Variants in KIAA1217 observed in about 807,000 individuals in gnomAD.
The protein encoded by KIAA1217 is KIAA1217.
In KIAA1217, 88 loss-of-function variants were observed where a neutral mutation model predicts 163.9. The ratio of observed to expected loss-of-function variants is 0.54; its 90% CI spans 0.45 to 0.64. The LOEUF is 0.64. Among genes scored for constraint, KIAA1217 ranks in the 30% least tolerant of loss-of-function variants. The probability of loss-of-function intolerance (pLI) is 0.00; values close to 1 mark genes in which losing one functional copy is unlikely to be tolerated. For synonymous variants in KIAA1217, 903 were observed against 923.1 expected, an observed-to-expected ratio of 0.98 and a Z score of 0.39; for missense variants, 2,372 against 2,475.0, an observed-to-expected ratio of 0.96 and a Z score of 0.88.
chr10:24,532,555 G>A (rs1347129256), intron 15 of KIAA1217, among the ~76,000 whole-genome samples: 2 of 152,198 alleles, frequency 1.3e-5, no homozygotes, highest in Admixed American at 6.5e-5. Flanking sequence ...GTTCCATGTG[G>A]CTGGGGAGGT....
intron 1 of KIAA1217, among the ~76,000 whole-genome samples, chr10:23,865,296 A>C (rs1240832422): frequency 6.6e-6 from 1 of 152,194 alleles, no homozygotes; most frequent in Non-Finnish European, 1.5e-5. Flanking sequence ...ATGGCATCTT[A>C]CTATACCTTT....
chr10:24,260,097 G>A (rs540245307), intron 2 of KIAA1217, among the ~76,000 whole-genome samples: 44 of 152,266 alleles, frequency 2.9e-4, no homozygotes, highest in South Asian at 2.5e-3. Context: ...TTAAGTTTTC[G>A]TTGGGAGGGC....
upstream of KIAA1217, among the ~76,000 whole-genome samples, chr10:24,204,007 T>A (rs199587609): frequency 6.6e-6 from 1 of 152,154 alleles, no homozygotes; most frequent in African/African-American, 2.4e-5. Flanking sequence ...TTAAAATAGA[T>A]AAAAGAAACC....
intron 1 of KIAA1217, among the ~76,000 whole-genome samples, chr10:23,937,608 G>T (rs978767371): frequency 6.6e-6 from 1 of 152,112 alleles, no homozygotes; most frequent in African/African-American, 2.4e-5. Flanking sequence ...ATAAAAGGTG[G>T]CTGAGAAGAG....
chr10:24,419,989 C>T (rs1481726059), intron 3 of KIAA1217, among the ~76,000 whole-genome samples: 1 of 151,780 alleles, frequency 6.6e-6, no homozygotes, highest in African/African-American at 2.4e-5. Flanking sequence ...TATCAATAAC[C>T]CACTGAGAAC....
chr10:23,947,000 T>C (rs1844080841), intron 1 of KIAA1217, among the ~76,000 whole-genome samples: 1 of 152,090 alleles, frequency 6.6e-6, no homozygotes, highest in Non-Finnish European at 1.5e-5. Flanking sequence ...TAAGATCTGA[T>C]GGTTTTAGAA....
chr10:23,808,960 TAATACACTTGGCATCTGCAACAGG>T, intron 1 of KIAA1217, among the ~76,000 whole-genome samples: 1 of 152,100 alleles, frequency 6.6e-6, no homozygotes, highest in Non-Finnish European at 1.5e-5. Context: ...GGATGTTAGA[TAATACACTTGGCATCTGCAACAGG>T]ACATGATGTA....
intron 1 of KIAA1217, among the ~76,000 whole-genome samples, chr10:23,806,739 T>C (rs1003556921): frequency 1.3e-5 from 2 of 152,250 alleles, no homozygotes; most frequent in Non-Finnish European, 2.9e-5. Context: ...CTACTTTTTC[T>C]TTTTGCCGAT....
At chr10:24,346,907 C>T (rs556155618) in intron 2 of KIAA1217, among the ~76,000 whole-genome samples, 1 of 152,280 alleles carries the variant, frequency 6.6e-6, no homozygotes, top group Non-Finnish European at 1.5e-5. Context: ...AATATGCAAA[C>T]ACTACTTTTG....
intron 1 of KIAA1217, among the ~76,000 whole-genome samples, chr10:23,938,676 AAAAAGGATGTGC>A (rs1335212879): frequency 6.6e-6 from 1 of 152,158 alleles, no homozygotes. Context: ...GAGTAAAAAA[AAAAAGGATGTGC>A]CTCGGTTATG....
chr10:23,824,134 G>T (rs1026619514), intron 1 of KIAA1217, among the ~76,000 whole-genome samples: 1 of 151,924 alleles, frequency 6.6e-6, no homozygotes, highest in African/African-American at 2.4e-5. Context: ...TTAGCCCAGC[G>T]TGTTGGTGCA....
intron 1 of KIAA1217, among the ~76,000 whole-genome samples, chr10:23,922,112 T>TGACTACATAATGCAACCTC (rs1842872115): frequency 6.6e-6 from 1 of 151,936 alleles, no homozygotes; most frequent in African/African-American, 2.4e-5. Context: ...TAATCAATCA[T>TGACTACATAATGCAACCTC]GACTACATAA....
chr10:23,759,474 T>C (rs1057472655), intron 1 of KIAA1217, among the ~76,000 whole-genome samples: 8 of 152,230 alleles, frequency 5.3e-5, no homozygotes, highest in African/African-American at 1.9e-4. Flanking sequence ...GTGGGCATCC[T>C]TGCCTTGTTC....
intron 2 of KIAA1217, among the ~76,000 whole-genome samples, chr10:24,141,226 C>G (rs142461921): frequency 3.3e-5 from 1 of 30,120 alleles, no homozygotes; most frequent in African/African-American, 1.4e-4. Flanking sequence ...AAAGAATAAA[C>G]CCCCCCCCCC....
At chr10:24,545,495 T>C in intron 20 of KIAA1217, 2 of 1,283,360 alleles carry the variant, frequency 1.6e-6, no homozygotes, top group Non-Finnish European at 2.0e-6. Flanking sequence ...TAGAAGCACA[T>C]TAACACTCCG....
chr10:23,764,284 T>C (rs1407690484), intron 1 of KIAA1217, among the ~76,000 whole-genome samples: 1 of 152,126 alleles, frequency 6.6e-6, no homozygotes, highest in Non-Finnish European at 1.5e-5. Context: ...GAATGGTGAT[T>C]ATTAAAAAGT....
Position 24,061,716 on chromosome 10 carries a change from T to A in KIAA1217, c.-171+54342T>A, listed in dbSNP as rs1026063322. On this transcript the variant is annotated intron_variant, in intron 2 of 18. Transcript: ENST00000376462. ...CTTTGAATATATCATCCCACTCCCT[T>A]CTGAATTGCAAGTATTCTGCTGAAA... Among the ~76,000 whole-genome samples the A allele has an allele frequency of 8.5e-5, 13 of 152,316 alleles. No homozygotes were observed. In the South Asian group the frequency reaches 2.7e-3, roughly 32 times the overall value.
At chr10:23,962,193 G>A (rs147366989) in intron 1 of KIAA1217, among the ~76,000 whole-genome samples, 1 of 152,312 alleles carries the variant, frequency 6.6e-6, no homozygotes, top group Non-Finnish European at 1.5e-5. Flanking sequence ...AAGAAATGTA[G>A]GCCCTAGAGT....
intron 2 of KIAA1217, among the ~76,000 whole-genome samples, chr10:24,281,149 C>T (rs1260915750): frequency 6.6e-6 from 1 of 152,170 alleles, no homozygotes; most frequent in Admixed American, 6.5e-5. Context: ...GCACAGAGCT[C>T]CCACATACAA....
Sources: gnomAD v4.1 joint callset for allele counts (sites outside exome capture counted in the v4.1 genomes callset) on GRCh38, gnomAD v4.1.1 for gene constraint, MANE v1.5 for transcripts, NCBI Gene and HGNC (gene_info 2026-07-23, HGNC 2026-07-21) for gene names.